The following VPS13B variants were observed in gnomAD, a reference collection of about 807,000 sequenced individuals.
VPS13B encodes vacuolar protein sorting 13 homolog B.
In VPS13B, 285 loss-of-function variants were observed where a neutral mutation model predicts 426.4. That is an observed-to-expected ratio of 0.67 (90% CI 0.61 to 0.74). The LOEUF (loss-of-function observed/expected upper bound fraction) is 0.74, where lower values mean the gene tolerates loss of function less well. Among genes scored for constraint, VPS13B ranks in the 30% least tolerant of loss-of-function variants. The pLI, the probability that VPS13B is intolerant of heterozygous loss-of-function variation, is 0.00. For synonymous variants in VPS13B, 1,676 were observed against 1,676.4 expected (o/e 1.00, Z 0.01); for missense variants, 4,537 against 4,782.6 (o/e 0.95, Z 1.51).
rs557965823 is a variant in VPS13B at position 99,586,901 on chromosome 8, A to G, written c.5220+9268A>G. ...ATGCAGGTTTCTTACATATGTATACATGTGCCGTGTTGGTTTGCTGCACGC... is the reference window on the plus strand; with the variant it reads ...ATGCAGGTTTCTTACATATGTATACGTGTGCCGTGTTGGTTTGCTGCACGC... On this transcript the variant is annotated intron_variant, in intron 33 of 61. Transcript: ENST00000357162. Among the ~76,000 whole-genome samples, 30 of 152,292 alleles carry G rather than the reference A, an allele frequency of 2.0e-4. 1 individual carries two copies. The highest frequency in any genetic ancestry group is 1.2e-3 in the Admixed American group (18 of 15,286).
At chr8:99,785,922 G>A (rs1227563132) in intron 43 of VPS13B, among the ~76,000 whole-genome samples, 1 of 152,194 alleles carries the variant, frequency 6.6e-6, no homozygotes, top group Non-Finnish European at 1.5e-5. Context: ...ATTGTACACT[G>A]TACCTGTAGC....
intron 23 of VPS13B, among the ~76,000 whole-genome samples, chr8:99,451,375 G>A (rs934370220): frequency 1.3e-5 from 2 of 152,016 alleles, no homozygotes; most frequent in African/African-American, 4.8e-5. Context: ...CTACCATGTG[G>A]CAGTCACATA....
chr8:99,270,131 C>CATTTTTTTTTTTTT (rs1554703629), intron 17 of VPS13B, among the ~76,000 whole-genome samples: 1 of 30,312 alleles, frequency 3.3e-5, no homozygotes, highest in African/African-American at 1.1e-4. Flanking sequence ...ATATAAGAAT[C>CATTTTTTTTTTTTT]TTTTTTTTTT....
chr8:99,473,268 AAATC>A (rs1819507622), intron 24 of VPS13B, among the ~76,000 whole-genome samples: 1 of 152,094 alleles, frequency 6.6e-6, no homozygotes, highest in Non-Finnish European at 1.5e-5. Context: ...AAATGTTAAC[AAATC>A]AAAGATAACA....
intron 19 of VPS13B, among the ~76,000 whole-genome samples, chr8:99,280,793 A>G (rs1379056813): frequency 6.6e-6 from 1 of 152,204 alleles, no homozygotes; most frequent in Non-Finnish European, 1.5e-5. Flanking sequence ...CTTATAAATG[A>G]CATGAAATAA....
intron 42 of VPS13B, among the ~76,000 whole-genome samples, chr8:99,779,380 TA>T (rs1275410913): frequency 6.6e-6 from 1 of 152,202 alleles, no homozygotes; most frequent in Admixed American, 6.5e-5. Context: ...TCAAATTGTC[TA>T]ACGGTCCATT....
At chr8:99,045,656 T>A (rs528543571) in intron 3 of VPS13B, among the ~76,000 whole-genome samples, 2 of 152,236 alleles carry the variant, frequency 1.3e-5, no homozygotes, top group Non-Finnish European at 1.5e-5. Context: ...TGGTGTTATC[T>A]TCTAGAATTT....
intron 17 of VPS13B, among the ~76,000 whole-genome samples, chr8:99,225,753 CTTG>C (rs1041988592): frequency 1.3e-4 from 20 of 152,264 alleles, no homozygotes; most frequent in African/African-American, 4.6e-4. Flanking sequence ...CAAGTTCTCT[CTTG>C]TTGTTTTGCA....
At chr8:99,099,963 T>C (rs1416543038) in intron 4 of VPS13B, among the ~76,000 whole-genome samples, 2 of 152,164 alleles carry the variant, frequency 1.3e-5, no homozygotes, top group Non-Finnish European at 2.9e-5. Flanking sequence ...ACTTTCTATT[T>C]TCAGATGCGT....
intron 17 of VPS13B, among the ~76,000 whole-genome samples, chr8:99,231,653 T>G (rs1230723187): frequency 1.3e-5 from 2 of 152,212 alleles, no homozygotes; most frequent in Non-Finnish European, 2.9e-5. Context: ...AACTCATTTT[T>G]ATTAAGAAAA....
intron 12 of VPS13B, among the ~76,000 whole-genome samples, chr8:99,141,173 G>T (rs1349599932): frequency 2.0e-5 from 3 of 152,218 alleles, no homozygotes; most frequent in African/African-American, 7.2e-5. Context: ...AACATTCAGG[G>T]AGCTGGAGTG....
At chr8:99,714,184 G>A (rs929941744) in intron 36 of VPS13B, among the ~76,000 whole-genome samples, 5 of 151,622 alleles carry the variant, frequency 3.3e-5, no homozygotes, top group Non-Finnish European at 5.9e-5. Flanking sequence ...AAGGACACAG[G>A]GACCATCTTA....
chr8:99,763,295 G>A (rs1811044046), intron 39 of VPS13B, among the ~76,000 whole-genome samples: 2 of 151,910 alleles, frequency 1.3e-5, no homozygotes, highest in Non-Finnish European at 2.9e-5. Context: ...TGCCAGAGAT[G>A]GGTTGAACCA....
chr8:99,637,825 T>G (rs1373054459), intron 33 of VPS13B, among the ~76,000 whole-genome samples: 1 of 152,128 alleles, frequency 6.6e-6, no homozygotes, highest in Non-Finnish European at 1.5e-5. Context: ...ATAGTTTCAT[T>G]TAGTTAATTG....
intron 3 of VPS13B, among the ~76,000 whole-genome samples, chr8:99,090,912 T>C (rs541401585): frequency 6.6e-6 from 1 of 151,982 alleles, no homozygotes; most frequent in Non-Finnish European, 1.5e-5. Flanking sequence ...AATCTTAGAG[T>C]GGATCTCACA....
chr8:99,209,290 AACAAAAC>A (rs1173090169), intron 17 of VPS13B, among the ~76,000 whole-genome samples: 4 of 150,492 alleles, frequency 2.7e-5, no homozygotes, highest in Admixed American at 1.3e-4. Context: ...TCAAAAAAAA[AACAAAAC>A]AAAAAACAAA....
intron 20 of VPS13B, among the ~76,000 whole-genome samples, chr8:99,387,751 G>A (rs1814208267): frequency 6.6e-6 from 1 of 151,526 alleles, no homozygotes. Flanking sequence ...AAATCTGTTA[G>A]GTGAAAAAAA....
intron 19 of VPS13B, among the ~76,000 whole-genome samples, chr8:99,295,754 C>T (rs958627558): frequency 2.6e-5 from 4 of 152,142 alleles, no homozygotes; most frequent in African/African-American, 4.8e-5. Context: ...GAAGGCCAGG[C>T]GCAATGGCTC....
At chr8:99,767,633 G>A (rs1811293434) in intron 40 of VPS13B, among the ~76,000 whole-genome samples, 1 of 151,190 alleles carries the variant, frequency 6.6e-6, no homozygotes, top group African/African-American at 2.4e-5. Context: ...TGGCCATAAA[G>A]AATCCCTAGA....
Sources: allele counts gnomAD v4.1 joint callset (sites outside exome capture counted in the v4.1 genomes callset), GRCh38; gene constraint gnomAD v4.1.1; transcripts MANE v1.5; gene names NCBI Gene and HGNC (gene_info 2026-07-23, HGNC 2026-07-21).